Variants in TOMM20 observed in about 807,000 individuals in gnomAD.
TOMM20 encodes the protein mitochondrial import receptor subunit TOM20 homolog.
In TOMM20, 10 loss-of-function variants were observed where a neutral mutation model predicts 22.1. The observed-to-expected ratio is 0.45, with a 90% CI of 0.28 to 0.77. The LOEUF is 0.77. Among genes scored for constraint, TOMM20 ranks in the 30% least tolerant of loss-of-function variants. The pLI, the probability that TOMM20 is intolerant of heterozygous loss-of-function variation, is 0.13. For missense variants in TOMM20, 121 were observed against 172.2 expected, an observed-to-expected ratio of 0.70 and a Z score of 1.66; for synonymous variants, 55 against 61.4, an observed-to-expected ratio of 0.90 and a Z score of 0.49.
rs376285727 is a variant in TOMM20, at chr1:235,118,545, G to A, written c.250+1273C>T. 3.2e-4 allele frequency among the ~76,000 whole-genome samples: 49 copies of A among 152,298 alleles called. 1 individual carries two copies. Among genetic ancestry groups the A allele is most frequent in the African/African-American group, 1.1e-3 (46 of 41,568 alleles). On this transcript the variant is annotated intron_variant, in intron 3 of 4. Coordinates refer to ENST00000366607, the MANE Select transcript of TOMM20 (RefSeq NM_014765.3). ...CAGATTTTATGTATATAGTTTTTAA[G>A]AGACAGCATATCATTCTGTTGCCCA...
At position 235,111,172 on chromosome 1, in the gene TOMM20, T is replaced by G. The variant is rs966012671; in HGVS notation, c.*892A>C. 2.6e-5 allele frequency: 4 copies of G among 152,028 alleles called. No individual in the cohort carries two copies. The highest frequency in any genetic ancestry group is 7.3e-5 in the African/African-American group (3 of 41,370). 9.4% of individuals were successfully genotyped at this position (152,028 alleles called of 1,614,324 possible). ...AAAAAAAACATCAATTCAGAAATAC[T>G]AAGTCAGGCAAGCATGCAAAATTCA... On this transcript the variant is annotated 3_prime_UTR_variant, in exon 5 of 5. Coordinates refer to ENST00000366607, the MANE Select transcript of TOMM20 (RefSeq NM_014765.3).
In TOMM20 at chr1:235,110,142, C is replaced by T. The variant is rs1660716365; in HGVS notation, c.*1922G>A. On this transcript the variant is annotated 3_prime_UTR_variant, in exon 5 of 5. Coordinates refer to ENST00000366607, the MANE Select transcript of TOMM20 (RefSeq NM_014765.3). ...GATACCAACGCCTTTTCAAGCATTA[C>T]AGCAAAGCCAGTATGTTCAGAGCCA... is the stretch of plus-strand genomic sequence containing the variant. The T allele has an allele frequency of 6.6e-6, 1 of 152,158 alleles. No individual in the cohort carries two copies. Among genetic ancestry groups the T allele is most frequent in the African/African-American group, 2.4e-5 (1 of 41,446 alleles). 9.4% of individuals were successfully genotyped at this position (152,158 alleles called of 1,614,324 possible).
Position 235,128,778 on chromosome 1 carries a change from A to C in TOMM20, c.-63T>G. The stretch of plus-strand genomic sequence containing the variant: ...GACCGCGAAGGAGCGGTGGGCCACG[A>C]ACCCTCAGAGCGGTCGGCGCAGCTC... On this transcript the variant is annotated 5_prime_UTR_variant, in exon 1 of 5. Coordinates refer to ENST00000366607, the MANE Select transcript of TOMM20 (RefSeq NM_014765.3). 6.2e-7 allele frequency: 1 copy of C among 1,608,676 alleles called. No individual in the cohort carries two copies. The highest frequency in any genetic ancestry group is 8.5e-7 in the Non-Finnish European group (1 of 1,178,312).
intron 3 of TOMM20, among the ~76,000 whole-genome samples, chr1:235,116,858 G>T (rs553738416): frequency 6.6e-6 from 1 of 152,088 alleles, no homozygotes; most frequent in African/African-American, 2.4e-5. Context: ...GAATGGGGCT[G>T]GGCACGCTGG....
intron 1 of TOMM20, among the ~76,000 whole-genome samples, chr1:235,125,419 G>A (rs1261152347): frequency 6.6e-6 from 1 of 152,040 alleles, no homozygotes; most frequent in Non-Finnish European, 1.5e-5. Context: ...GTTTCACCAT[G>A]TTAGCCAGGA....
intron 3 of TOMM20, among the ~76,000 whole-genome samples, chr1:235,117,034 C>T (rs1660844595): frequency 7.2e-6 from 1 of 138,246 alleles, no homozygotes; most frequent in Admixed American, 7.9e-5. Context: ...ACTCGGGAGG[C>T]TGAGGCAGGA....
intron 3 of TOMM20, among the ~76,000 whole-genome samples, chr1:235,116,962 C>T (rs776212489): frequency 1.6e-3 from 236 of 150,374 alleles, no homozygotes; most frequent in South Asian, 3.8e-3. Flanking sequence ...GGTGAAACCC[C>T]GTCTCTACTA....
In TOMM20 at chr1:235,128,612, T is replaced by C. The variant is rs764554473; in HGVS notation, c.104A>G (p.Lys35Arg). The change falls in exon 1 of 5, where the codon AAG (lysine) becomes AGG (arginine). Residue 35 changes from lysine to arginine, a missense_variant. Physicochemically the swap from Lys to Arg is conservative, Grantham distance 26. Coordinates refer to ENST00000366607, the MANE Select transcript of TOMM20 (RefSeq NM_014765.3). Reference protein sequence around the residue: ...DRKRRSDPNFKNRLRERRKKQ... With the variant: ...DRKRRSDPNFRNRLRERRKKQ... ...CCACTCACGTTCTCGAAGCCTGTTC[T>C]TGAAGTTGGGGTCACTTCGTCTTTT... 6.2e-7 allele frequency: 1 copy of C among 1,613,002 alleles called. No individual in the cohort carries two copies. Among genetic ancestry groups the C allele is most frequent in the African/African-American group, 1.3e-5 (1 of 75,034 alleles).
Position 235,113,816 on chromosome 1 carries a change from TG to T in TOMM20, c.344del (p.Pro115HisfsTer9), listed in dbSNP as rs1348829538. The T allele has an allele frequency of 6.2e-7, 1 of 1,613,612 alleles. No homozygotes were observed. Among genetic ancestry groups the T allele is most frequent in the Non-Finnish European group, 8.5e-7 (1 of 1,179,962 alleles). The part of the protein sequence containing the change: ...QLLQVLQQTL[P>X]PPVFQMLLTK... ...TCAGAAGCATCTGGAACACTGGTGG[TG>T]GAAGAGTTTGCTGTAAGACCTGCAG... On this transcript the variant is annotated frameshift_variant, in exon 4 of 5. Transcript: ENST00000366607. LOFTEE classifies it high-confidence loss of function.
chr1:235,116,160 A>T (rs1423154905), intron 3 of TOMM20, among the ~76,000 whole-genome samples: 2 of 152,134 alleles, frequency 1.3e-5, no homozygotes, highest in African/African-American at 4.8e-5. Flanking sequence ...TAATCCCAGC[A>T]CTTAGGGAGG....
chr1:235,121,240 G>C (rs1487155087), intron 2 of TOMM20, among the ~76,000 whole-genome samples: 1 of 151,098 alleles, frequency 6.6e-6, no homozygotes, highest in Non-Finnish European at 1.5e-5. Flanking sequence ...ATTAGTGCAA[G>C]TTTTTGGTCC....
rs201031224 is a variant in TOMM20 at position 235,113,762 on chromosome 1, C to T, written c.393+6G>A. ...ACTTTTATGTCATAACATTCCAATTCCTTACCTGACTAATTGTTGGGAGCT... is the reference window on the plus strand; with the variant it reads ...ACTTTTATGTCATAACATTCCAATTTCTTACCTGACTAATTGTTGGGAGCT... On this transcript the variant is annotated splice_donor_region_variant and intron_variant, in intron 4 of 4. Coordinates refer to ENST00000366607, the MANE Select transcript of TOMM20 (RefSeq NM_014765.3). 2 of 1,604,394 alleles carry T rather than the reference C, an allele frequency of 1.2e-6. No homozygotes were observed. The highest frequency in any genetic ancestry group is 3.5e-5 in the Admixed American group (2 of 57,852).
At chr1:235,125,514 C>T (rs1026789388) in intron 1 of TOMM20, among the ~76,000 whole-genome samples, 3 of 151,294 alleles carry the variant, frequency 2.0e-5, no homozygotes, top group African/African-American at 4.9e-5. Flanking sequence ...CACGCCCGGC[C>T]GCCTAAGTCT....
chr1:235,117,131 T>C (rs1428204137), intron 3 of TOMM20, among the ~76,000 whole-genome samples: 4 of 48,290 alleles, frequency 8.3e-5, no homozygotes, highest in Non-Finnish European at 1.0e-4. Context: ...CGAGACTCCA[T>C]CTCAAAAAAA....
chr1:235,111,038 A>G lies in TOMM20; in HGVS notation c.*1026T>C, dbSNP rs888413542. On this transcript the variant is annotated 3_prime_UTR_variant, in exon 5 of 5. Coordinates refer to ENST00000366607, the MANE Select transcript of TOMM20 (RefSeq NM_014765.3). ...ACTGAAGATAAAGCAAAAGGCAACA[A>G]GCATTTTTACAAGCAGATCATCCCA... is the stretch of plus-strand genomic sequence containing the variant. 2.0e-5 allele frequency: 3 copies of G among 152,238 alleles called. No homozygotes were observed. Among genetic ancestry groups the G allele is most frequent in the African/African-American group, 7.2e-5 (3 of 41,454 alleles). 9.4% of individuals were successfully genotyped at this position (152,238 alleles called of 1,614,324 possible). A position where few individuals can be genotyped will look rare whatever the true frequency, so the allele number is the denominator to read the frequency against.
chr1:235,116,704 C>T (rs1363347505), intron 3 of TOMM20, among the ~76,000 whole-genome samples: 1 of 151,972 alleles, frequency 6.6e-6, no homozygotes, highest in Non-Finnish European at 1.5e-5. Flanking sequence ...GAATGAGATG[C>T]CATCTCAAAA....
chr1:235,113,110 A>G (rs917185741), intron 4 of TOMM20, among the ~76,000 whole-genome samples: 1 of 152,244 alleles, frequency 6.6e-6, no homozygotes, highest in Non-Finnish European at 1.5e-5. Context: ...CAACACTTGT[A>G]ACAGACACGC....
rs1044067276 is a variant in TOMM20 at position 235,128,798 on chromosome 1, C to G, written c.-83G>C. On this transcript the variant is annotated 5_prime_UTR_variant, in exon 1 of 5. Transcript: ENST00000366607. ...CCACGAACCCTCAGAGCGGTCGGCGCAGCTCACACCCGACGGCCGCGGGCC... is the reference window on the plus strand; with the variant it reads ...CCACGAACCCTCAGAGCGGTCGGCGGAGCTCACACCCGACGGCCGCGGGCC... The G allele has an allele frequency of 3.8e-6, 6 of 1,580,362 alleles. No individual in the cohort carries two copies. Among genetic ancestry groups the G allele is most frequent in the Non-Finnish European group, 5.2e-6 (6 of 1,164,766 alleles).
Position 235,109,824 on chromosome 1 carries a change from T to G in TOMM20, c.*2240A>C, listed in dbSNP as rs190741074. 1.3e-5 allele frequency: 2 copies of G among 152,234 alleles called. No individual in the cohort carries two copies. The highest frequency in any genetic ancestry group is 4.8e-5 in the African/African-American group (2 of 41,470). The allele number at this position is 152,234 out of a possible 1,614,324, so 9.4% of individuals were successfully genotyped here. A position where few individuals can be genotyped will look rare whatever the true frequency, so the allele number is the denominator to read the frequency against. ...AAGTTTTTTAGTAAGTGTGCAACATTAGCACATGGAAACGCTCAAGCTGTG... is the reference window on the plus strand; with the variant it reads ...AAGTTTTTTAGTAAGTGTGCAACATGAGCACATGGAAACGCTCAAGCTGTG... On this transcript the variant is annotated 3_prime_UTR_variant, in exon 5 of 5. Transcript: ENST00000366607.
Sources: allele counts gnomAD v4.1 joint callset (sites outside exome capture counted in the v4.1 genomes callset), GRCh38; gene constraint gnomAD v4.1.1; transcripts MANE v1.5; gene names NCBI Gene and HGNC (gene_info 2026-07-23, HGNC 2026-07-21).